The following RANBP2 variants were observed in gnomAD, a reference collection of about 807,000 sequenced individuals.
RANBP2 encodes RAN binding protein 2.
Under a neutral mutation model 303.6 loss-of-function variants are expected in RANBP2, and 57 were observed. The ratio of observed to expected loss-of-function variants is 0.19; its 90% confidence interval spans 0.15 to 0.23. The LOEUF (loss-of-function observed/expected upper bound fraction) is 0.23. Among genes scored for constraint, RANBP2 ranks in the 10% least tolerant of loss-of-function variants. The pLI, the probability that RANBP2 is intolerant of heterozygous loss-of-function variation, is 1.00. For missense variants in RANBP2, 3,138 were observed against 3,780.8 expected, an observed-to-expected ratio of 0.83 and a Z score of 4.46; for synonymous variants, 1,167 against 1,301.5, an observed-to-expected ratio of 0.90 and a Z score of 2.23.
At chr2:108,783,520 T>C in intron 28 of RANBP2, 76 bp from the exon 29 acceptor site, 1 of 1,093,596 alleles carries the variant, frequency 9.1e-7, no homozygotes, top group Middle Eastern at 2.5e-4. Flanking sequence ...GTTCTGTGTG[T>C]ATTTTAATAT....
At chr2:108,873,562 T>C in the RANBP2 span, 1 of 1,609,966 alleles carries the variant, frequency 6.2e-7, no homozygotes, top group Non-Finnish European at 8.5e-7. Context: ...AAACTCAGTA[T>C]TATTTTACAG....
At chr2:108,840,993 G>T in the RANBP2 span, among the ~76,000 whole-genome samples, 3,724 of 151,302 alleles carry the variant, frequency 0.025, 110 homozygotes, top group African/African-American at 0.068. Flanking sequence ...TGTGTTTTTT[G>T]TGTGTGTGTT....
the RANBP2 span, among the ~76,000 whole-genome samples, chr2:109,610,087 C>T: frequency 6.7e-6 from 1 of 148,550 alleles, no homozygotes; most frequent in African/African-American, 2.5e-5. Flanking sequence ...ACTAAACTTC[C>T]CTGAGGTGTT....
At chr2:109,551,639 T>C in the RANBP2 span, among the ~76,000 whole-genome samples, 7 of 152,340 alleles carry the variant, frequency 4.6e-5, no homozygotes, top group East Asian at 1.3e-3. Context: ...TTTTCTGTTG[T>C]TTGAACTTTT....
chr2:108,770,309 T>G (rs998353832), intron 20 of RANBP2, among the ~76,000 whole-genome samples: 1 of 152,240 alleles, frequency 6.6e-6, no homozygotes, highest in African/African-American at 2.4e-5. Context: ...AATCTGTATC[T>G]TACGGTGTAC....
the RANBP2 span, among the ~76,000 whole-genome samples, chr2:109,763,570 A>C: frequency 2.0e-5 from 3 of 149,974 alleles, no homozygotes; most frequent in African/African-American, 4.9e-5. Flanking sequence ...TAAAATAACA[A>C]AGAGAGAGAG....
the RANBP2 span, among the ~76,000 whole-genome samples, chr2:109,584,417 G>C: frequency 9.2e-5 from 13 of 141,898 alleles, no homozygotes; most frequent in Non-Finnish European, 2.0e-4. Context: ...GGAGGTTGCA[G>C]TGAGTCGAAA....
chr2:109,206,490 C>CAAA, the RANBP2 span, among the ~76,000 whole-genome samples: 103 of 40,556 alleles, frequency 2.5e-3, no homozygotes, highest in Admixed American at 5.2e-3. Flanking sequence ...GACTCCGTCT[C>CAAA]AAAAAAAAAA....
At chr2:109,078,077 A>AATATAT in the RANBP2 span, among the ~76,000 whole-genome samples, 3 of 47,452 alleles carry the variant, frequency 6.3e-5, no homozygotes, top group African/African-American at 4.0e-4. Context: ...TTGACAGATG[A>AATATAT]ATATATATAT....
At chr2:108,991,850 A>G in the RANBP2 span, among the ~76,000 whole-genome samples, 1 of 152,216 alleles carries the variant, frequency 6.6e-6, no homozygotes, top group Non-Finnish European at 1.5e-5. Flanking sequence ...TCTCTCGCCC[A>G]GACTGGAGTG....
At chr2:109,186,636 T>C in the RANBP2 span, among the ~76,000 whole-genome samples, 1 of 152,202 alleles carries the variant, frequency 6.6e-6, no homozygotes, top group African/African-American at 2.4e-5. Flanking sequence ...GGGTTTTGGG[T>C]TGGGATGGAG....
chr2:108,815,286 G>A, the RANBP2 span, among the ~76,000 whole-genome samples: 1 of 151,916 alleles, frequency 6.6e-6, no homozygotes, highest in Non-Finnish European at 1.5e-5. Flanking sequence ...ATGCTCTTAA[G>A]TTAAGGCTAA....
At chr2:108,779,630 T>C (rs1338132217) in intron 25 of RANBP2, among the ~76,000 whole-genome samples, 1 of 152,170 alleles carries the variant, frequency 6.6e-6, no homozygotes, top group Non-Finnish European at 1.5e-5. Context: ...AAGACAGTGA[T>C]TCAGCAAGTG....
the RANBP2 span, among the ~76,000 whole-genome samples, chr2:109,333,935 A>G: frequency 6.6e-6 from 1 of 152,244 alleles, no homozygotes; most frequent in East Asian, 1.9e-4. Context: ...AGAAGAATTA[A>G]TAATGAGGAC....
the RANBP2 span, among the ~76,000 whole-genome samples, chr2:108,944,671 A>G: frequency 1.6e-4 from 25 of 152,114 alleles, no homozygotes; most frequent in Non-Finnish European, 3.5e-4. Context: ...CAGCAAAACA[A>G]GGAGAGGCCC....
At chr2:108,953,740 A>T in the RANBP2 span, among the ~76,000 whole-genome samples, 1 of 152,128 alleles carries the variant, frequency 6.6e-6, no homozygotes. Flanking sequence ...GTGGCGATGG[A>T]AACAATAAAG....
chr2:108,817,381 C>T, the RANBP2 span, among the ~76,000 whole-genome samples: 8 of 152,028 alleles, frequency 5.3e-5, no homozygotes, highest in Non-Finnish European at 1.0e-4. Context: ...CAGCCTCCAC[C>T]TCCCGGGTTC....
chr2:109,217,151 C>A, the RANBP2 span, among the ~76,000 whole-genome samples: 1 of 152,228 alleles, frequency 6.6e-6, no homozygotes, highest in Non-Finnish European at 1.5e-5. Context: ...GTACGGTCAT[C>A]CACATCTTGT....
the RANBP2 span, among the ~76,000 whole-genome samples, chr2:109,166,516 A>ACACT: frequency 1.3e-5 from 2 of 151,774 alleles, no homozygotes; most frequent in African/African-American, 2.4e-5. Flanking sequence ...GCTCATTGGT[A>ACACT]GTGTTACAGC....
Sources: gnomAD v4.1 joint callset for allele counts (sites outside exome capture counted in the v4.1 genomes callset) on GRCh38, gnomAD v4.1.1 for gene constraint, MANE v1.5 for transcripts, NCBI Gene and HGNC (gene_info 2026-07-23, HGNC 2026-07-21) for gene names.